The following MROH1 variants were observed in gnomAD, a reference collection of about 807,000 sequenced individuals.
The protein encoded by MROH1 is maestro heat like repeat family member 1.
MROH1 carries 117 observed loss-of-function variants against 116.5 expected under a neutral mutation model. The ratio of observed to expected loss-of-function variants is 1.00; its 90% confidence interval spans 0.86 to 1.17. MROH1 has a LOEUF of 1.17. Among genes scored for constraint, MROH1 ranks in the 50% most tolerant of loss-of-function variants. MROH1 has a pLI of 0.00. For synonymous variants in MROH1, 921 were observed against 583.9 expected, an observed-to-expected ratio of 1.58 and a Z score of -8.32; for missense variants, 1,873 against 1,338.5, an observed-to-expected ratio of 1.40 and a Z score of -6.23.
chr8:144,189,320 T>C (rs1827977002), intron 7 of MROH1, among the ~76,000 whole-genome samples: 1 of 152,158 alleles, frequency 6.6e-6, no homozygotes, highest in South Asian at 2.1e-4. Flanking sequence ...TGTTTCCTCC[T>C]CCAGTTTCTG....
chr8:144,252,200 A>C (rs2133199371), intron 33 of MROH1: 1 of 163,782 alleles, frequency 6.1e-6, no homozygotes, highest in East Asian at 1.9e-4. Flanking sequence ...TGGTGGGTAG[A>C]GCATGCATTT....
chr8:144,199,262 C>T (rs573397061), intron 11 of MROH1, 62 bp downstream of exon 11: 2,167 of 1,513,750 alleles, frequency 1.4e-3, no homozygotes, highest in Non-Finnish European at 1.8e-3. Context: ...TCACTGCCTG[C>T]TGTATGTGGA....
At chr8:144,227,092 C>T (rs540219378) in intron 14 of MROH1, among the ~76,000 whole-genome samples, 2 of 152,280 alleles carry the variant, frequency 1.3e-5, no homozygotes, top group South Asian at 4.1e-4. Flanking sequence ...ACAGAATATA[C>T]AATTAATTTT....
Position 144,261,367 on chromosome 8 carries a change from G to A in MROH1, c.4840+18G>A, listed in dbSNP as rs1295821428. On this transcript the variant is annotated intron_variant, in intron 43 of 43. Transcript: ENST00000326134. The stretch of plus-strand genomic sequence containing the variant: ...CATTGCGGGTGAGCACCCCTCCACG[G>A]GGCCCCTCCGCTGGGCCCTGCTGAC... 8 of 701,812 alleles carry A rather than the reference G, an allele frequency of 1.1e-5. No individual in the cohort carries two copies. The highest frequency in any genetic ancestry group is 5.4e-5 in the East Asian group (2 of 37,370). The allele number at this position is 701,812 out of a possible 1,614,324, so 43.5% of individuals were successfully genotyped here.
chr8:144,260,181 C>A lies in MROH1; in HGVS notation c.4192-5C>A. On this transcript the variant is annotated splice_region_variant and splice_polypyrimidine_tract_variant and intron_variant, in intron 38 of 43. Transcript: ENST00000326134. ...GGACCCAGGCTGAGTGTAAGGTATC[C>A]TCAGGTGCGAACCCACGGCCCCCAG... 1.3e-6 allele frequency: 1 copy of A among 764,704 alleles called. No homozygotes were observed. 47.4% of individuals were successfully genotyped at this position (764,704 alleles called of 1,614,324 possible).
chr8:144,151,838 G>A (rs7462150), intron 1 of MROH1, among the ~76,000 whole-genome samples: 150,152 of 152,338 alleles, frequency 0.99, 74,038 homozygotes, highest in East Asian at 1. Context: ...TCGCACCAAC[G>A]TCACACGCCC....
intron 35 of MROH1, among the ~76,000 whole-genome samples, chr8:144,257,283 TGA>T (rs1176795462): frequency 1.8e-4 from 27 of 152,078 alleles, no homozygotes; most frequent in African/African-American, 5.1e-4. Context: ...AGGGAACCCG[TGA>T]GAGAGAGGAG....
At chr8:144,184,279 A>G (rs947887432) in intron 7 of MROH1, among the ~76,000 whole-genome samples, 16 of 152,164 alleles carry the variant, frequency 1.1e-4, no homozygotes, top group African/African-American at 3.9e-4. Flanking sequence ...GCTGCATGGC[A>G]GTGGCTCTGG....
Position 144,239,168 on chromosome 8 carries a change from A to C in MROH1, c.1580A>C (p.Tyr527Ser), listed in dbSNP as rs938206739. Residue 527 changes from tyrosine to serine, a missense_variant, in exon 16 of 44, where the codon TAC becomes TCC. Transcript: ENST00000326134. Reference protein sequence around the residue: ...EAGADAFLIQYDAHASLPSPY... With the variant: ...EAGADAFLIQSDAHASLPSPY... ...GGGGCCGACGCCTTCCTCATCCAGT[A>C]CGACGCCCATGGTGCGTGCCGCGCC... 108 of 764,994 alleles carry C rather than the reference A, an allele frequency of 1.4e-4. No individual in the cohort carries two copies. The East Asian group carries it at 2.4e-3, about 17-fold the overall frequency. The allele number at this position is 764,994 out of a possible 1,614,324, so 47.4% of individuals were successfully genotyped here. A position where few individuals can be genotyped will look rare whatever the true frequency, so the allele number is the denominator to read the frequency against.
chr8:144,208,080 G>C (rs1833254305), intron 12 of MROH1, among the ~76,000 whole-genome samples: 1 of 151,962 alleles, frequency 6.6e-6, no homozygotes, highest in Non-Finnish European at 1.5e-5. Context: ...CGAGTATCTG[G>C]GATTACAGGC....
intron 14 of MROH1, among the ~76,000 whole-genome samples, chr8:144,234,680 C>T (rs192626613): frequency 0.01 from 1,499 of 147,778 alleles, 22 homozygotes; most frequent in African/African-American, 0.035. Flanking sequence ...CCATGTCTGG[C>T]TAATTTTTTT....
At chr8:144,159,748 T>G (rs1056264235) in intron 1 of MROH1, among the ~76,000 whole-genome samples, 2 of 151,490 alleles carry the variant, frequency 1.3e-5, no homozygotes, top group South Asian at 2.1e-4. Context: ...TTTTCTTGCT[T>G]CTTTGTACGC....
At chr8:144,238,166 G>GTTTT (rs1323261757) in intron 14 of MROH1, among the ~76,000 whole-genome samples, 1 of 139,008 alleles carries the variant, frequency 7.2e-6, no homozygotes, top group African/African-American at 2.6e-5. Context: ...AAATATCACT[G>GTTTT]TTTTTTTTTT....
At chr8:144,220,063 GTC>G (rs1461177943) in intron 12 of MROH1, among the ~76,000 whole-genome samples, 1 of 152,162 alleles carries the variant, frequency 6.6e-6, no homozygotes. Context: ...CATTTTTATA[GTC>G]TCTCAGCCAC....
Position 144,244,312 on chromosome 8 carries a change from G to A in MROH1, c.2646G>A (p.Lys882=). The change falls in exon 27 of 44, where the codon AAG becomes AAA. Residue 882 remains lysine (K), a synonymous_variant. Transcript: ENST00000326134. ...HSIMALLPEP[K]EEDGGCQKSL... ...TCATGGCCCTGCTGCCTGAGCCCAA[G>A]GAGGAGGACGGAGGCTGCCAGAAGG... The A allele has an allele frequency of 1.4e-6, 1 of 719,994 alleles. No individual in the cohort carries two copies. The highest frequency in any genetic ancestry group is 2.7e-5 in the East Asian group (1 of 37,386). The allele number at this position is 719,994 out of a possible 1,614,324, so 44.6% of individuals were successfully genotyped here.
At chr8:144,205,807 T>C (rs999933000) in intron 12 of MROH1, among the ~76,000 whole-genome samples, 1 of 152,196 alleles carries the variant, frequency 6.6e-6, no homozygotes, top group African/African-American at 2.4e-5. Flanking sequence ...AATCAAATTT[T>C]TGAAAGGCTT....
intron 12 of MROH1, among the ~76,000 whole-genome samples, chr8:144,201,704 T>C (rs529205307): frequency 2.0e-5 from 3 of 152,046 alleles, no homozygotes; most frequent in Non-Finnish European, 4.4e-5. Flanking sequence ...CTGGGACATA[T>C]AGAAGCAGCG....
intron 14 of MROH1, among the ~76,000 whole-genome samples, chr8:144,224,143 C>T (rs1305612705): frequency 3.9e-5 from 6 of 152,080 alleles, no homozygotes; most frequent in Non-Finnish European, 5.9e-5. Flanking sequence ...CTTTCAGTTC[C>T]CAAGAGTTTG....
Position 144,242,639 on chromosome 8 carries a change from TAGG to T in MROH1, c.2352+13_2352+15del. The T allele has an allele frequency of 1.3e-6, 1 of 779,526 alleles. No individual in the cohort carries two copies. Among genetic ancestry groups the T allele is most frequent in the South Asian group, 1.3e-5 (1 of 74,444 alleles). The allele number at this position is 779,526 out of a possible 1,614,324, so 48.3% of individuals were successfully genotyped here. On this transcript the variant is annotated intron_variant, in intron 24 of 43. Coordinates refer to ENST00000326134, the MANE Select transcript of MROH1 (RefSeq NM_032450.3). ...AAGGTAGAAACCAAGGTACAGTGTG[TAGG>T]AATTAAGTGCTGGACTGGCTTCTCT...
Sources: allele counts gnomAD v4.1 joint callset (sites outside exome capture counted in the v4.1 genomes callset), GRCh38; gene constraint gnomAD v4.1.1; transcripts MANE v1.5; gene names NCBI Gene and HGNC (gene_info 2026-07-23, HGNC 2026-07-21).